ROS1: variants seen among roughly 807,000 people sequenced by gnomAD.
ROS1 encodes ROS proto-oncogene 1, receptor tyrosine kinase.
A neutral mutation model predicts 273.5 loss-of-function variants in ROS1; 263 were observed. That is an observed-to-expected ratio of 0.96 (90% CI 0.87 to 1.06). The LOEUF is 1.06. Ranked by LOEUF, ROS1 falls within the 50% of genes least tolerant of loss-of-function variation. The pLI is 0.00. For missense variants in ROS1, 2,833 were observed against 2,751.1 expected, an observed-to-expected ratio of 1.03 and a Z score of -0.67; for synonymous variants, 1,008 against 954.1, an observed-to-expected ratio of 1.06 and a Z score of -1.04.
At position 117,326,091 on chromosome 6, in the gene ROS1, TTATATATATATA is replaced by T. The variant is rs56113300; in HGVS notation, c.5539+121_5539+132del. ...TAGTTTAATAGTTTGGATAATAAGATTATATATATATATATATATATATATATATATATATAG... is the reference window on the plus strand; with the variant it reads ...TAGTTTAATAGTTTGGATAATAAGATTATATATATATATATATATATATAG... On this transcript the variant is annotated intron_variant, in intron 34 of 43. Coordinates refer to ENST00000368507, the MANE Select transcript of ROS1 (RefSeq NM_001378902.1). 156 of 148,290 alleles carry T rather than the reference TTATATATATATA, an allele frequency of 1.1e-3. 2 individuals carry two copies. The highest frequency in any genetic ancestry group is 2.4e-3 in the Middle Eastern group (1 of 412). 9.2% of individuals were successfully genotyped at this position (148,290 alleles called of 1,614,324 possible). A position where few individuals can be genotyped will look rare whatever the true frequency, so the allele number is the denominator to read the frequency against.
intron 2 of ROS1, among the ~76,000 whole-genome samples, chr6:117,417,380 G>A (rs1436125735): frequency 6.6e-6 from 1 of 151,998 alleles, no homozygotes; most frequent in Non-Finnish European, 1.5e-5. Context: ...TGACTTATCT[G>A]GTCATTAACT....
At chr6:117,391,894 T>A (rs978725196) in intron 12 of ROS1, among the ~76,000 whole-genome samples, 1 of 152,178 alleles carries the variant, frequency 6.6e-6, no homozygotes, top group African/African-American at 2.4e-5. Flanking sequence ...TTAAATGAAT[T>A]ATTGGACATA....
intron 9 of ROS1, among the ~76,000 whole-genome samples, chr6:117,395,966 G>C (rs951201155): frequency 6.6e-5 from 10 of 152,030 alleles, no homozygotes; most frequent in African/African-American, 1.9e-4. Context: ...TTTTTATTCT[G>C]ATTTTCAATT....
intron 35 of ROS1, 124 bp from the exon 36 acceptor site, chr6:117,321,518 A>G (rs2128564187): frequency 1.3e-6 from 1 of 776,120 alleles, no homozygotes; most frequent in Non-Finnish European, 2.0e-6. Flanking sequence ...TAGTTATAGA[A>G]GTTTTCATAA....
chr6:117,339,044 T>C (rs1777698650), intron 31 of ROS1, among the ~76,000 whole-genome samples: 1 of 152,192 alleles, frequency 6.6e-6, no homozygotes. Flanking sequence ...TTTAAATATG[T>C]TCTTCTTCTA....
chr6:117,324,022 T>G (rs1035809639), intron 35 of ROS1, among the ~76,000 whole-genome samples: 1 of 152,206 alleles, frequency 6.6e-6, no homozygotes, highest in Non-Finnish European at 1.5e-5. Context: ...ACAAAACATT[T>G]GTATGCAGCC....
rs139681801 is a variant in ROS1 at position 117,411,714 on chromosome 6, C to T, written c.256-2072G>A. On this transcript the variant is annotated intron_variant, in intron 4 of 43. Transcript: ENST00000368507. ...TCCATATGAACTGAGGCATTGTTCC[C>T]TTAAAAATTATTCATTCATTCATTC... Among the ~76,000 whole-genome samples the T allele has an allele frequency of 1.2e-4, 18 of 152,258 alleles. No homozygotes were observed. In the East Asian group the frequency reaches 3.3e-3, roughly 28 times the overall value.
rs1439867576 is a variant in ROS1, at chr6:117,288,552, C to T, written c.6966G>A (p.Lys2322=). 2 of 1,614,168 alleles carry T rather than the reference C, an allele frequency of 1.2e-6. No individual in the cohort carries two copies. Among genetic ancestry groups the T allele is most frequent in the Non-Finnish European group, 1.7e-6 (2 of 1,180,028 alleles). The part of the protein sequence containing the change: ...EKQVAYCPSG[K]PEGLNYACLT... ...GACAGGCATAGTTCAGGCCTTCAGG[C>T]TTGCCAGAAGGGCAGTAAGCCACTT... The change falls in exon 44 of 44, where the codon AAG becomes AAA. Residue 2322 remains lysine, a synonymous_variant. Coordinates refer to ENST00000368507, the MANE Select transcript of ROS1 (RefSeq NM_001378902.1).
intron 42 of ROS1, among the ~76,000 whole-genome samples, chr6:117,303,679 T>G (rs1400328520): frequency 6.6e-6 from 1 of 152,180 alleles, no homozygotes; most frequent in African/African-American, 2.4e-5. Flanking sequence ...TTTTCAAGAT[T>G]TTTAAGCGGA....
At chr6:117,414,441 C>T in intron 4 of ROS1, 78 bp downstream of exon 4, 2 of 713,996 alleles carry the variant, frequency 2.8e-6, no homozygotes, top group South Asian at 1.6e-5. Flanking sequence ...TTTCTTCACC[C>T]CTATTTTAAA....
Position 117,383,397 on chromosome 6 carries a change from G to A in ROS1, c.2401C>T (p.Leu801Phe), listed in dbSNP as rs1772312157. Residue 801 changes from leucine to phenylalanine, a missense_variant, in exon 17 of 44, where the codon CTC becomes TTC. Transcript: ENST00000368507. ...SVGGYLYWTT[L>F]YSVESTRLNG... ...AGTCTGGTGCTTTCCACTGAATAGA[G>A]TGTGGTCCAGTAGAGATATCCACCA... 6.2e-7 allele frequency: 1 copy of A among 1,613,966 alleles called. No individual in the cohort carries two copies. The highest frequency in any genetic ancestry group is 8.5e-7 in the Non-Finnish European group (1 of 1,179,876).
intron 1 of ROS1, 130 bp downstream of exon 1, chr6:117,425,404 T>C (rs1776062980): frequency 2.4e-6 from 2 of 829,364 alleles, no homozygotes; most frequent in South Asian, 4.2e-5. Context: ...AAATAATCTA[T>C]CTTGCCTTGT....
intron 9 of ROS1, 130 bp downstream of exon 9, chr6:117,396,058 A>T (rs577601481): frequency 1.9e-6 from 1 of 517,926 alleles, no homozygotes; most frequent in East Asian, 2.9e-5. Flanking sequence ...ACAAGTACCC[A>T]AAAGACAATA....
At chr6:117,333,499 C>T (rs1290964179) in intron 32 of ROS1, among the ~76,000 whole-genome samples, 2 of 152,150 alleles carry the variant, frequency 1.3e-5, no homozygotes, top group African/African-American at 2.4e-5. Flanking sequence ...TTTTATGAAG[C>T]CAGCATCATC....
intron 27 of ROS1, among the ~76,000 whole-genome samples, chr6:117,349,043 G>T (rs1374109329): frequency 1.3e-5 from 2 of 151,936 alleles, no homozygotes; most frequent in Non-Finnish European, 2.9e-5. Context: ...TGTTTATTCT[G>T]CTGTTGTTGG....
At chr6:117,333,743 G>A (rs1030262529) in intron 32 of ROS1, among the ~76,000 whole-genome samples, 1 of 152,052 alleles carries the variant, frequency 6.6e-6, no homozygotes, top group Non-Finnish European at 1.5e-5. Context: ...AAAATCACAC[G>A]ATTATCTGAA....
At position 117,319,911 on chromosome 6, in the gene ROS1, T is replaced by C; in HGVS notation, c.5879A>G (p.Asp1960Gly). 1 of 1,613,436 alleles carries C rather than the reference T, an allele frequency of 6.2e-7. No individual in the cohort carries two copies. Among genetic ancestry groups the C allele is most frequent in the Non-Finnish European group, 8.5e-7 (1 of 1,179,536 alleles). Residue 1960 changes from aspartate (D) to glycine (G), a missense_variant, in exon 37 of 44, where the codon GAC becomes GGC. Physicochemically the swap from Asp to Gly is moderately conservative, Grantham distance 94. Coordinates refer to ENST00000368507, the MANE Select transcript of ROS1 (RefSeq NM_001378902.1). ...TTCTCCACTTCCAACTCCTAAGATG[T>C]CCACTGCTGTTCCTTCATACACTTC... is the stretch of plus-strand genomic sequence containing the variant. ...FGEVYEGTAV[D>G]ILGVGSGEIK... is the part of the protein sequence containing the mutation.
chr6:117,403,110 C>G, intron 7 of ROS1, 29 bp downstream of exon 7: 25 of 1,611,030 alleles, frequency 1.6e-5, no homozygotes, highest in Non-Finnish European at 2.1e-5. Flanking sequence ...GAATAATGTC[C>G]TTTCATAAGA....
intron 18 of ROS1, among the ~76,000 whole-genome samples, chr6:117,372,467 G>A (rs1780886184): frequency 6.6e-6 from 1 of 152,174 alleles, no homozygotes; most frequent in African/African-American, 2.4e-5. Flanking sequence ...TTCTTTTTCT[G>A]ACTGACTTCA....
Sources: gnomAD v4.1 joint callset for allele counts (sites outside exome capture counted in the v4.1 genomes callset) on GRCh38, gnomAD v4.1.1 for gene constraint, MANE v1.5 for transcripts, NCBI Gene and HGNC (gene_info 2026-07-23, HGNC 2026-07-21) for gene names.